Variants in LYPD6 observed in about 807,000 individuals in gnomAD.
LYPD6 encodes LY6/PLAUR domain containing 6, also known as ly6/PLAUR domain-containing protein 6.
Under a neutral mutation model 22.7 loss-of-function variants are expected in LYPD6, and 15 were observed. The ratio of observed to expected loss-of-function variants is 0.66; its 90% CI spans 0.44 to 1.02. The LOEUF is 1.02. Ranked by LOEUF, LYPD6 falls within the 50% of genes least tolerant of loss-of-function variation. The pLI, the probability that LYPD6 is intolerant of heterozygous loss-of-function variation, is 0.00. For missense variants in LYPD6, 189 were observed against 208.4 expected (o/e 0.91, Z 0.57); for synonymous variants, 72 against 77.5 (o/e 0.93, Z 0.37).
intron 1 of LYPD6, among the ~76,000 whole-genome samples, chr2:149,366,881 C>A (rs1388573062): frequency 1.3e-5 from 2 of 152,162 alleles, no homozygotes; most frequent in Non-Finnish European, 2.9e-5. Flanking sequence ...CATTCCCCCC[C>A]ACTTCATTTT....
At chr2:149,358,431 C>T (rs1000670436) in intron 1 of LYPD6, among the ~76,000 whole-genome samples, 1 of 152,124 alleles carries the variant, frequency 6.6e-6, no homozygotes, top group African/African-American at 2.4e-5. Flanking sequence ...ATTGCTTTAA[C>T]TAGAAGATAA....
At chr2:149,412,109 TTGGAAA>T (rs1682863577) in intron 1 of LYPD6, among the ~76,000 whole-genome samples, 1 of 152,220 alleles carries the variant, frequency 6.6e-6, no homozygotes, top group African/African-American at 2.4e-5. Context: ...AGGAAAATTC[TTGGAAA>T]TGGAATTTTG....
At chr2:149,334,727 A>C (rs1043147930) in intron 1 of LYPD6, among the ~76,000 whole-genome samples, 3 of 151,948 alleles carry the variant, frequency 2.0e-5, no homozygotes, top group African/African-American at 7.3e-5. Context: ...ATGGATATTC[A>C]AAGTAAACAC....
intron 1 of LYPD6, among the ~76,000 whole-genome samples, chr2:149,395,640 C>T (rs772435764): frequency 6.6e-5 from 10 of 152,076 alleles, no homozygotes; most frequent in Non-Finnish European, 1.0e-4. Context: ...ATTTTGTCTT[C>T]TCATTTACTC....
chr2:149,437,578 C>G (rs1683460711), intron 1 of LYPD6, 60 bp from the exon 2 acceptor site: 1 of 1,473,158 alleles, frequency 6.8e-7, no homozygotes, highest in African/African-American at 1.4e-5. Context: ...GGGAGCTCAG[C>G]CAAGCCTCCT....
chr2:149,439,691 A>G (rs1683513788), intron 2 of LYPD6, among the ~76,000 whole-genome samples: 1 of 152,198 alleles, frequency 6.6e-6, no homozygotes, highest in African/African-American at 2.4e-5. Flanking sequence ...TCTATTGGGA[A>G]ATTCAATTTC....
At chr2:149,424,695 A>T (rs1683154444) in intron 1 of LYPD6, among the ~76,000 whole-genome samples, 1 of 152,220 alleles carries the variant, frequency 6.6e-6, no homozygotes, top group South Asian at 2.1e-4. Context: ...GGATGACAGC[A>T]GGAGCCAAGG....
chr2:149,435,981 A>G (rs1165205826), intron 1 of LYPD6, among the ~76,000 whole-genome samples: 4 of 152,212 alleles, frequency 2.6e-5, no homozygotes, highest in Admixed American at 6.5e-5. Flanking sequence ...TTATAATACT[A>G]TTCACTTAAT....
chr2:149,402,714 CT>C (rs896055275), intron 1 of LYPD6, among the ~76,000 whole-genome samples: 199 of 151,234 alleles, frequency 1.3e-3, no homozygotes, highest in African/African-American at 4.0e-3. Flanking sequence ...CCTTAGCCCA[CT>C]TTTTTTTTAT....
intron 1 of LYPD6, among the ~76,000 whole-genome samples, chr2:149,345,629 T>A (rs570130110): frequency 6.6e-6 from 1 of 152,062 alleles, no homozygotes; most frequent in Non-Finnish European, 1.5e-5. Flanking sequence ...TTTAAATTTT[T>A]AAGAATATTT....
chr2:149,416,041 G>C (rs1682955464), intron 1 of LYPD6, among the ~76,000 whole-genome samples: 1 of 152,076 alleles, frequency 6.6e-6, no homozygotes, highest in Non-Finnish European at 1.5e-5. Flanking sequence ...AGTTGCCACA[G>C]TTGTGCCTTA....
chr2:149,372,993 T>C (rs145725118), intron 1 of LYPD6, among the ~76,000 whole-genome samples: 31 of 152,266 alleles, frequency 2.0e-4, no homozygotes, highest in African/African-American at 6.7e-4. Context: ...AGTTACAGGA[T>C]CAGATTTGTG....
intron 1 of LYPD6, among the ~76,000 whole-genome samples, chr2:149,432,597 A>G (rs1003536704): frequency 4.6e-5 from 7 of 152,192 alleles, no homozygotes; most frequent in Non-Finnish European, 1.0e-4. Context: ...CATGGGCTAC[A>G]CCAAGGTGCA....
At chr2:149,383,294 T>C (rs1045225692) in intron 1 of LYPD6, among the ~76,000 whole-genome samples, 1 of 152,172 alleles carries the variant, frequency 6.6e-6, no homozygotes, top group Non-Finnish European at 1.5e-5. Flanking sequence ...AAACAGAGTG[T>C]TCATTTTGTA....
intron 1 of LYPD6, among the ~76,000 whole-genome samples, chr2:149,400,624 C>T (rs1337402289): frequency 4.6e-3 from 3 of 648 alleles, no homozygotes; most frequent in African/African-American, 6.0e-3. Flanking sequence ...TATAAACTTC[C>T]TGGTAACAAT....
chr2:149,407,877 G>T (rs1171619193), intron 1 of LYPD6, among the ~76,000 whole-genome samples: 1 of 152,038 alleles, frequency 6.6e-6, no homozygotes, highest in Non-Finnish European at 1.5e-5. Flanking sequence ...TCTACTTTTG[G>T]TCTTTGATGA....
chr2:149,391,561 A>G (rs1682310535), intron 1 of LYPD6, among the ~76,000 whole-genome samples: 2 of 152,064 alleles, frequency 1.3e-5, no homozygotes, highest in Admixed American at 6.6e-5. Flanking sequence ...TATGTTTCAC[A>G]TCTATAGGGC....
chr2:149,481,017 C>T, the LYPD6 span, among the ~76,000 whole-genome samples: 100 of 152,236 alleles, frequency 6.6e-4, no homozygotes, highest in Non-Finnish European at 1.3e-3. Context: ...CTCCCTTCCA[C>T]AAGTGTCGAT....
At chr2:149,455,662 G>A (rs1680941712) in intron 3 of LYPD6, among the ~76,000 whole-genome samples, 1 of 152,128 alleles carries the variant, frequency 6.6e-6, no homozygotes, top group African/African-American at 2.4e-5. Context: ...GTCCAAATAT[G>A]TTTTACAAAT....
Sources: allele counts gnomAD v4.1 joint callset (sites outside exome capture counted in the v4.1 genomes callset), GRCh38; gene constraint gnomAD v4.1.1; transcripts MANE v1.5; gene names NCBI Gene and HGNC (gene_info 2026-07-23, HGNC 2026-07-21).